The following VIRMA variants were observed in gnomAD, a reference collection of about 807,000 sequenced individuals.
The protein encoded by VIRMA is protein virilizer homolog.
In VIRMA, 65 loss-of-function variants were observed where a neutral mutation model predicts 182.4. That is an observed-to-expected ratio of 0.36 (90% CI 0.29 to 0.44). VIRMA has a LOEUF of 0.44. VIRMA is among the 20% of genes least tolerant of loss of function. VIRMA has a pLI of 1.00. For missense variants in VIRMA, 1,752 were observed against 2,158.1 expected, an observed-to-expected ratio of 0.81 and a Z score of 3.73; for synonymous variants, 709 against 743.1, an observed-to-expected ratio of 0.95 and a Z score of 0.75.
intron 10 of VIRMA, among the ~76,000 whole-genome samples, chr8:94,515,615 A>G (rs374304038): frequency 8.7e-5 from 13 of 150,162 alleles, no homozygotes; most frequent in African/African-American, 3.2e-4. Context: ...CAAGTGATCC[A>G]CCTACCTCAG....
At chr8:94,552,685 T>C (rs1243577086) in intron 1 of VIRMA, among the ~76,000 whole-genome samples, 1 of 152,146 alleles carries the variant, frequency 6.6e-6, no homozygotes, top group East Asian at 1.9e-4. Context: ...AATTGTACAT[T>C]AAGGGGCGCT....
intron 10 of VIRMA, 34 bp from the exon 11 acceptor site, chr8:94,514,985 A>C (rs1814511513): frequency 9.4e-7 from 1 of 1,064,186 alleles, no homozygotes. Flanking sequence ...ATATTTAAAA[A>C]TAGAAGGCTT....
At position 94,513,100 on chromosome 8, in the gene VIRMA, G is replaced by A. The variant is rs1814432231; in HGVS notation, c.2752-1011C>T. On this transcript the variant is annotated intron_variant, in intron 11 of 23. Coordinates refer to ENST00000297591, the MANE Select transcript of VIRMA (RefSeq NM_015496.5). ...TGCCTGTAATCACAGCACTTTGGGA[G>A]GCCATGGCGGGTGGATCACCTGAGG... Among the ~76,000 whole-genome samples the A allele has an allele frequency of 2.0e-5, 3 of 152,200 alleles. No individual in the cohort carries two copies. The South Asian group carries it at 6.2e-4, about 31-fold the overall frequency.
At position 94,507,939 on chromosome 8, in the gene VIRMA, G is replaced by A. The variant is rs1166059610; in HGVS notation, c.3880-1222C>T. On this transcript the variant is annotated intron_variant, in intron 15 of 23. Coordinates refer to ENST00000297591, the MANE Select transcript of VIRMA (RefSeq NM_015496.5). Reference sequence around the variant, plus strand: ...TGTGTATATATGTATGTACATATGTGTATATGTGTATATATGTATATACAT... The same window carrying A: ...TGTGTATATATGTATGTACATATGTATATATGTGTATATATGTATATACAT... Among the ~76,000 whole-genome samples the A allele has an allele frequency of 5.3e-4, 42 of 79,596 alleles. 1 individual carries two copies. The highest frequency in any genetic ancestry group is 1.3e-3 in the South Asian group (2 of 1,592). 52.2% of individuals were successfully genotyped at this position (79,596 alleles called of 152,430 possible).
rs185188992 is a variant in VIRMA, at chr8:94,550,772, G to A, written c.63+2613C>T. On this transcript the variant is annotated intron_variant, in intron 1 of 23. Coordinates refer to ENST00000297591, the MANE Select transcript of VIRMA (RefSeq NM_015496.5). ...CTTGCTCTGTCGCACAGGCTGGAGTGCAGTGGCGTGATCTTGGCTCACAGC... is the reference window on the plus strand; with the variant it reads ...CTTGCTCTGTCGCACAGGCTGGAGTACAGTGGCGTGATCTTGGCTCACAGC... Among the ~76,000 whole-genome samples the A allele has an allele frequency of 2.3e-3, 353 of 152,214 alleles. 1 individual carries two copies. The highest frequency in any genetic ancestry group is 7.3e-3 in the African/African-American group (305 of 41,512).
intron 1 of VIRMA, 78 bp downstream of exon 1, chr8:94,553,307 A>G: frequency 1.4e-6 from 2 of 1,386,110 alleles, no homozygotes; most frequent in Non-Finnish European, 2.1e-6. Flanking sequence ...CAGAAGGAAA[A>G]GTGGAGAACG....
chr8:94,517,638 A>G, intron 10 of VIRMA, 150 bp downstream of exon 10: 1 of 492,976 alleles, frequency 2.0e-6, no homozygotes, highest in Non-Finnish European at 3.4e-6. Context: ...TTTAGTTTTT[A>G]TAAACTGTCT....
intron 1 of VIRMA, among the ~76,000 whole-genome samples, chr8:94,544,545 C>T (rs953198103): frequency 1.3e-5 from 2 of 151,372 alleles, no homozygotes; most frequent in Non-Finnish European, 2.9e-5. Context: ...CCTGTAGTCC[C>T]AGCTACTTGG....
intron 1 of VIRMA, among the ~76,000 whole-genome samples, chr8:94,549,891 T>C (rs956695605): frequency 1.2e-4 from 18 of 151,994 alleles, no homozygotes; most frequent in African/African-American, 3.9e-4. Context: ...AGCTCAGGAA[T>C]TCAAGACCAG....
chr8:94,544,285 T>C (rs566400399), intron 1 of VIRMA, among the ~76,000 whole-genome samples: 41 of 152,288 alleles, frequency 2.7e-4, no homozygotes, highest in African/African-American at 5.1e-4. Context: ...ATCCAAATAT[T>C]GCATATTACT....
In VIRMA at chr8:94,529,306, T is replaced by C. The variant is rs764811892; in HGVS notation, c.644A>G (p.Glu215Gly). 3.6e-5 allele frequency: 58 copies of C among 1,612,676 alleles called. No individual in the cohort carries two copies. Among genetic ancestry groups the C allele is most frequent in the Non-Finnish European group, 4.9e-5 (58 of 1,178,814 alleles). The part of the protein sequence containing the change: ...GDKEEDAPHR[E>G]DYFEPISPDR... ...AGGAGAAATGGGCTCAAAGTAATCT[T>C]CTCTATGAGGAGCATCCTCTTCCTT... The change falls in exon 7 of 24, where the codon GAA becomes GGA. Residue 215 changes from glutamate (E) to glycine (G), a missense_variant. By Grantham distance (98) the Glu-to-Gly change is moderately conservative. Coordinates refer to ENST00000297591, the MANE Select transcript of VIRMA (RefSeq NM_015496.5).
At position 94,488,144 on chromosome 8, in the gene VIRMA, T is replaced by C. The variant is rs1813503527; in HGVS notation, c.*562A>G. The C allele has an allele frequency of 6.6e-6, 1 of 152,256 alleles. No homozygotes were observed. Among genetic ancestry groups the C allele is most frequent in the Non-Finnish European group, 1.5e-5 (1 of 68,066 alleles). The allele number at this position is 152,256 out of a possible 1,614,324, so 9.4% of individuals were successfully genotyped here. A position where few individuals can be genotyped will look rare whatever the true frequency, so the allele number is the denominator to read the frequency against. ...CAACATTAAATAGCATTATATTCCT[T>C]TCTATAACAACATATCTTTACAAAA... is the stretch of plus-strand genomic sequence containing the variant. On this transcript the variant is annotated 3_prime_UTR_variant, in exon 24 of 24. Transcript: ENST00000297591.
At chr8:94,547,382 A>T (rs945690041) in intron 1 of VIRMA, among the ~76,000 whole-genome samples, 1 of 151,164 alleles carries the variant, frequency 6.6e-6, no homozygotes, top group Non-Finnish European at 1.5e-5. Flanking sequence ...ACTCTGAGCC[A>T]CAATTATCTT....
At position 94,492,721 on chromosome 8, in the gene VIRMA, G is replaced by A; in HGVS notation, c.4739C>T (p.Pro1580Leu). 1 of 1,613,894 alleles carries A rather than the reference G, an allele frequency of 6.2e-7. No homozygotes were observed. The highest frequency in any genetic ancestry group is 8.5e-7 in the Non-Finnish European group (1 of 1,179,864). The change falls in exon 21 of 24, where the codon CCA becomes CTA. Residue 1580 changes from proline (P) to leucine (L), a missense_variant. Pro to Leu is a moderately conservative substitution (Grantham distance 98). This residue lies in a region of VIRMA where 777 missense variants were observed against 920.6 expected (regional missense o/e 0.84). Coordinates refer to ENST00000297591, the MANE Select transcript of VIRMA (RefSeq NM_015496.5). ...ERSFLSEPSS[P>L]GRTKTTKGFK... The stretch of plus-strand genomic sequence containing the variant: ...TCCTTTAGTAGTCTTGGTTCTTCCT[G>A]GAGATGATGGTTCTGACAAAAATGA...
rs774120205 is a variant in VIRMA, at chr8:94,543,961, C to T, written c.64-19G>A. On this transcript the variant is annotated intron_variant, in intron 1 of 23. Transcript: ENST00000297591. The stretch of plus-strand genomic sequence containing the variant: ...AACTTTGCTGTAACAAAAAAAAAGC[C>T]GGAGGGGGAGGGGTTCGGAACATTA... 2.9e-6 allele frequency: 4 copies of T among 1,368,018 alleles called. No homozygotes were observed. Among genetic ancestry groups the T allele is most frequent in the African/African-American group, 1.4e-5 (1 of 69,124 alleles). The allele number at this position is 1,368,018 out of a possible 1,614,324, so 84.7% of individuals were successfully genotyped here.
rs183429012 is a variant in VIRMA at position 94,526,795 on chromosome 8, G to A, written c.1449C>T (p.Ile483=). 766 of 1,614,060 alleles carry A rather than the reference G, an allele frequency of 4.7e-4. 2 individuals are homozygous for A. Among genetic ancestry groups the A allele is most frequent in the Admixed American group, 1.7e-3 (104 of 60,016 alleles). The change falls in exon 8 of 24, where the codon ATC becomes ATT. Residue 483 remains isoleucine (I), a synonymous_variant. Coordinates refer to ENST00000297591, the MANE Select transcript of VIRMA (RefSeq NM_015496.5). ...CAAACAGAAGTTCAAATAATCCACT[G>A]ATCACTCCTGCTTGTAGCAGTCCTG... ...GVTGLLQAGV[I]SGLFELLFAD...
intron 21 of VIRMA, among the ~76,000 whole-genome samples, 164 bp downstream of exon 21, chr8:94,492,488 A>T (rs1354664641): frequency 6.6e-6 from 1 of 151,884 alleles, no homozygotes; most frequent in Non-Finnish European, 1.5e-5. Context: ...CAGGGTTTCA[A>T]CATGTTAGCC....
intron 22 of VIRMA, 102 bp downstream of exon 22, chr8:94,491,476 G>A: frequency 8.8e-7 from 1 of 1,140,410 alleles, no homozygotes; most frequent in East Asian, 2.5e-5. Context: ...TGCAGCAACA[G>A]GAAAACTGTT....
Position 94,492,823 on chromosome 8 carries a change from A to G in VIRMA, c.4642-5T>C. On this transcript the variant is annotated splice_polypyrimidine_tract_variant and splice_region_variant and intron_variant, in intron 20 of 23. Transcript: ENST00000297591. ...TTCAATTAAGTCAACCTTTACCTGC[A>G]GTCATAATAATGAAACAAAACACAT... is the stretch of plus-strand genomic sequence containing the variant. The G allele has an allele frequency of 6.2e-7, 1 of 1,605,682 alleles. No individual in the cohort carries two copies. Among genetic ancestry groups the G allele is most frequent in the Non-Finnish European group, 8.5e-7 (1 of 1,174,360 alleles).
Sources: allele counts gnomAD v4.1 joint callset (sites outside exome capture counted in the v4.1 genomes callset), GRCh38; gene constraint gnomAD v4.1.1; regional missense constraint gnomAD v4.1.1; transcripts MANE v1.5; gene names NCBI Gene and HGNC (gene_info 2026-07-23, HGNC 2026-07-21).